Variants in APP observed in about 807,000 individuals in gnomAD.
The protein encoded by APP is amyloid beta precursor protein, also known as amyloid-beta precursor protein.
APP carries 31 observed loss-of-function variants against 101.4 expected under a neutral mutation model. The ratio of observed to expected loss-of-function variants is 0.31; its 90% CI spans 0.23 to 0.41. The LOEUF (loss-of-function observed/expected upper bound fraction) is 0.41. Ranked by LOEUF, APP falls within the 10% of genes least tolerant of loss-of-function variation. APP has a pLI of 1.00. For synonymous variants in APP, 366 were observed against 364.4 expected (o/e 1.00, Z -0.05); for missense variants, 839 against 1,003.7 (o/e 0.84, Z 2.22).
chr21:26,114,061 T>C (rs1002080477), intron 1 of APP, among the ~76,000 whole-genome samples: 7 of 151,842 alleles, frequency 4.6e-5, no homozygotes, highest in Non-Finnish European at 1.0e-4. Flanking sequence ...ATTTCCAGTC[T>C]TGGCAGCATG....
chr21:26,117,644 G>A (rs1196342788), intron 1 of APP, among the ~76,000 whole-genome samples: 1 of 152,162 alleles, frequency 6.6e-6, no homozygotes, highest in Non-Finnish European at 1.5e-5. Context: ...AATTAAAATG[G>A]AAAATTGCAA....
intron 13 of APP, among the ~76,000 whole-genome samples, chr21:25,952,225 C>CACAT (rs1555901901): frequency 4.0e-5 from 6 of 151,018 alleles, no homozygotes; most frequent in Admixed American, 2.7e-4. Flanking sequence ...CACACACACA[C>CACAT]ATTAAGAGCA....
chr21:25,938,194 C>A (rs2146421394), intron 13 of APP, among the ~76,000 whole-genome samples: 1 of 152,292 alleles, frequency 6.6e-6, no homozygotes, highest in East Asian at 1.9e-4. Context: ...GCCACTAATG[C>A]TGCCACACCC....
At chr21:26,002,758 C>CTCACATT (rs2146690532) in intron 6 of APP, among the ~76,000 whole-genome samples, 1 of 152,224 alleles carries the variant, frequency 6.6e-6, no homozygotes, top group Non-Finnish European at 1.5e-5. Flanking sequence ...TATGCTGACC[C>CTCACATT]TCACATTTTG....
chr21:25,923,021 C>G (rs2146359156), intron 13 of APP, among the ~76,000 whole-genome samples: 1 of 147,166 alleles, frequency 6.8e-6, no homozygotes, highest in Non-Finnish European at 1.5e-5. Flanking sequence ...GGTACTGGTA[C>G]CAAAACAGAG....
chr21:26,059,845 A>AGCACCACT (rs1421855793), intron 3 of APP, among the ~76,000 whole-genome samples: 1 of 145,678 alleles, frequency 6.9e-6, no homozygotes, highest in Non-Finnish European at 1.5e-5. Flanking sequence ...GAGCCAAGAT[A>AGCACCACT]GCACCACTGC....
At chr21:25,951,473 T>C (rs1371924876) in intron 13 of APP, among the ~76,000 whole-genome samples, 1 of 152,248 alleles carries the variant, frequency 6.6e-6, no homozygotes, top group Admixed American at 6.5e-5. Flanking sequence ...CTTGTATTTA[T>C]AAGCACAAAC....
intron 6 of APP, among the ~76,000 whole-genome samples, chr21:26,019,966 T>C (rs1216146159): frequency 6.6e-6 from 1 of 152,260 alleles, no homozygotes; most frequent in Admixed American, 6.5e-5. Context: ...CATTTACTTA[T>C]GTGCTAAAGT....
intron 13 of APP, among the ~76,000 whole-genome samples, chr21:25,918,892 G>GCC (rs1332384844): frequency 1.1e-4 from 16 of 147,298 alleles, no homozygotes; most frequent in Non-Finnish European, 2.2e-4. Flanking sequence ...GCTCAAGGAG[G>GCC]CCTGCTTGCC....
chr21:25,959,009 T>A (rs1032697775), intron 11 of APP, among the ~76,000 whole-genome samples: 2 of 180 alleles, frequency 0.011, no homozygotes, highest in African/African-American at 0.029. Flanking sequence ...TAGTTAGTGT[T>A]AGATTTGAAG....
chr21:25,956,005 C>T (rs981466869), intron 11 of APP, among the ~76,000 whole-genome samples: 52 of 152,148 alleles, frequency 3.4e-4, no homozygotes, highest in Admixed American at 2.7e-3. Flanking sequence ...CCTCCTTACT[C>T]AACATTTTCT....
intron 2 of APP, among the ~76,000 whole-genome samples, chr21:26,102,435 A>C (rs907969550): frequency 3.3e-5 from 5 of 152,114 alleles, no homozygotes; most frequent in Non-Finnish European, 7.3e-5. Flanking sequence ...AAGAAACAGG[A>C]CAATAAAATC....
chr21:26,109,032 T>C (rs1469903425), intron 2 of APP, among the ~76,000 whole-genome samples: 3 of 152,222 alleles, frequency 2.0e-5, no homozygotes, highest in Non-Finnish European at 4.4e-5. Context: ...CGCCTAATGT[T>C]GAAGAATCTG....
intron 14 of APP, among the ~76,000 whole-genome samples, chr21:25,907,077 T>C (rs1026084967): frequency 6.6e-6 from 1 of 152,206 alleles, no homozygotes; most frequent in African/African-American, 2.4e-5. Flanking sequence ...CAAATGCGTA[T>C]ACTTATGTGA....
intron 13 of APP, among the ~76,000 whole-genome samples, chr21:25,953,190 C>T (rs2041167715): frequency 6.6e-6 from 1 of 152,172 alleles, no homozygotes; most frequent in Non-Finnish European, 1.5e-5. Context: ...ACCTTGGCCT[C>T]CCAAAGTTCT....
At chr21:25,885,981 C>T (rs943559671) in intron 17 of APP, among the ~76,000 whole-genome samples, 6 of 152,100 alleles carry the variant, frequency 3.9e-5, no homozygotes, top group Admixed American at 1.3e-4. Context: ...GGAAACACCA[C>T]GTTTACATTT....
chr21:26,132,796 A>G (rs896980307), intron 1 of APP, among the ~76,000 whole-genome samples: 2 of 152,256 alleles, frequency 1.3e-5, no homozygotes, highest in Non-Finnish European at 2.9e-5. Flanking sequence ...AAAGAACACC[A>G]TCACAACAGA....
At chr21:26,153,395 T>C (rs372095) in intron 1 of APP, among the ~76,000 whole-genome samples, 5,118 of 152,272 alleles carry the variant, frequency 0.034, 219 homozygotes, top group East Asian at 0.2. Flanking sequence ...AAATGGTGGA[T>C]TTTTTTAAGG....
intron 1 of APP, among the ~76,000 whole-genome samples, chr21:26,149,800 T>A (rs1378229469): frequency 6.6e-6 from 1 of 152,202 alleles, no homozygotes; most frequent in Non-Finnish European, 1.5e-5. Flanking sequence ...TTTTTATAAA[T>A]GATTGATCAA....
Sources: allele counts gnomAD v4.1 joint callset (sites outside exome capture counted in the v4.1 genomes callset), GRCh38; gene constraint gnomAD v4.1.1; transcripts MANE v1.5; gene names NCBI Gene and HGNC (gene_info 2026-07-23, HGNC 2026-07-21).